LGR5: variants seen among roughly 807,000 people sequenced by gnomAD.
LGR5 encodes leucine-rich repeat-containing G protein-coupled receptor 5.
Under a neutral mutation model 76.7 loss-of-function variants are expected in LGR5, and 54 were observed. The observed-to-expected ratio is 0.70, with a 90% confidence interval of 0.57 to 0.88. The LOEUF is 0.88. LGR5 is among the 40% of genes least tolerant of loss of function. The pLI is 0.00. For missense variants in LGR5, 1,078 were observed against 1,073.3 expected, an observed-to-expected ratio of 1.00 and a Z score of -0.06; for synonymous variants, 406 against 421.9, an observed-to-expected ratio of 0.96 and a Z score of 0.46.
intron 11 of LGR5, chr12:71,567,427 C>G (rs1275703386): frequency 1.3e-5 from 2 of 155,020 alleles, no homozygotes; most frequent in African/African-American, 4.8e-5. Flanking sequence ...TTTTCCTCTG[C>G]CTTTCCCATG....
intron 1 of LGR5, among the ~76,000 whole-genome samples, chr12:71,446,766 G>A (rs1404281413): frequency 2.0e-5 from 3 of 152,104 alleles, no homozygotes; most frequent in African/African-American, 7.2e-5. Context: ...GGGAATTCCA[G>A]AGCAAAATGC....
intron 2 of LGR5, among the ~76,000 whole-genome samples, chr12:71,518,196 A>G (rs1295533865): frequency 6.6e-6 from 1 of 152,214 alleles, no homozygotes; most frequent in Admixed American, 6.5e-5. Context: ...AAGTGAGCAA[A>G]CAGACACTTT....
intron 3 of LGR5, among the ~76,000 whole-genome samples, chr12:71,525,666 T>C (rs1028871917): frequency 6.6e-6 from 1 of 151,812 alleles, no homozygotes; most frequent in Non-Finnish European, 1.5e-5. Flanking sequence ...TAAATTTTAC[T>C]AGAATCAAGT....
chr12:71,578,440 A>T (rs1878952159), intron 14 of LGR5, among the ~76,000 whole-genome samples: 1 of 152,086 alleles, frequency 6.6e-6, no homozygotes, highest in Non-Finnish European at 1.5e-5. Context: ...AAGTTAGGAG[A>T]AGAGGAAGGG....
chr12:71,579,061 A>G (rs1878983384), intron 15 of LGR5, 132 bp downstream of exon 15: 2 of 724,306 alleles, frequency 2.8e-6, no homozygotes, highest in South Asian at 5.3e-5. Context: ...AAGTCTCCTA[A>G]CCCTGGAGCA....
intron 7 of LGR5, among the ~76,000 whole-genome samples, chr12:71,560,531 C>T (rs1162564032): frequency 6.6e-6 from 1 of 152,170 alleles, no homozygotes; most frequent in Non-Finnish European, 1.5e-5. Flanking sequence ...ATGGGTCATG[C>T]CTGTAATCCC....
chr12:71,561,831 G>A lies in LGR5; in HGVS notation c.836G>A (p.Gly279Asp). 1 of 1,602,842 alleles carries A rather than the reference G, an allele frequency of 6.2e-7. No individual in the cohort carries two copies. The highest frequency in any genetic ancestry group is 8.5e-7 in the Non-Finnish European group (1 of 1,171,596). ...TCGATACCTGAGAAAGCATTTGTAG[G>A]CAACCCTTCTCTTATTACAATGTAA... Reference protein sequence around the residue: ...IRSIPEKAFVGNPSLITIHFY... With the variant: ...IRSIPEKAFVDNPSLITIHFY... Residue 279 changes from glycine to aspartate, a missense_variant, in exon 8 of 18, where the codon GGC becomes GAC. By Grantham distance (94) the Gly-to-Asp change is moderately conservative. Transcript: ENST00000266674.
At chr12:71,472,971 C>G (rs1000854944) in intron 1 of LGR5, among the ~76,000 whole-genome samples, 3 of 152,122 alleles carry the variant, frequency 2.0e-5, no homozygotes, top group East Asian at 1.9e-4. Flanking sequence ...CTGGGAGCAA[C>G]CTTTATGGCT....
rs1180124953 is a variant in LGR5, at chr12:71,486,571, T to G, written c.213-18043T>G. On this transcript the variant is annotated intron_variant, in intron 1 of 17. Transcript: ENST00000266674. ...ATTTATTTGTTAATATTCTTTACAT[T>G]TTGGGCAACAATATCTGATTCGTCA... Among the ~76,000 whole-genome samples, 5 of 152,198 alleles carry G rather than the reference T, an allele frequency of 3.3e-5. No homozygotes were observed. In the South Asian group the frequency reaches 1.0e-3, roughly 32 times the overall value.
chr12:71,518,435 G>A lies in LGR5; in HGVS notation c.285-5971G>A, dbSNP rs147147618. Among the ~76,000 whole-genome samples, 609 of 152,336 alleles carry A rather than the reference G, an allele frequency of 4.0e-3. 4 individuals carry two copies. Among genetic ancestry groups the A allele is most frequent in the Middle Eastern group, 0.014 (4 of 294 alleles). On this transcript the variant is annotated intron_variant, in intron 2 of 17. Coordinates refer to ENST00000266674, the MANE Select transcript of LGR5 (RefSeq NM_003667.4). ...AATTAGCGCAACCATTGTGAAGACA[G>A]TGTGGCTATTCCTCAAAGACCTAAA...
chr12:71,509,993 T>G (rs544306409), intron 2 of LGR5, among the ~76,000 whole-genome samples: 1 of 152,322 alleles, frequency 6.6e-6, no homozygotes, highest in African/African-American at 2.4e-5. Flanking sequence ...GCTTGTTACT[T>G]CTACTTCCCC....
intron 1 of LGR5, among the ~76,000 whole-genome samples, chr12:71,444,955 TTTC>T (rs1246712481): frequency 3.3e-5 from 5 of 152,300 alleles, no homozygotes; most frequent in African/African-American, 1.2e-4. Flanking sequence ...TTTTTTTATA[TTTC>T]TTCTATCAAA....
intron 1 of LGR5, among the ~76,000 whole-genome samples, chr12:71,476,870 T>C (rs1049007854): frequency 2.6e-5 from 4 of 152,176 alleles, no homozygotes; most frequent in African/African-American, 9.7e-5. Flanking sequence ...ACGTTATACC[T>C]AAACAAGCAG....
At chr12:71,563,451 T>C (rs1451713724) in intron 8 of LGR5, among the ~76,000 whole-genome samples, 1 of 152,202 alleles carries the variant, frequency 6.6e-6, no homozygotes. Flanking sequence ...AACCATCTTG[T>C]TACTTCTGCT....
intron 11 of LGR5, 193 bp downstream of exon 11, chr12:71,567,105 C>G (rs1878389607): frequency 3.5e-6 from 2 of 574,122 alleles, no homozygotes; most frequent in African/African-American, 1.9e-5. Context: ...TGGTAATGTA[C>G]CCTTTGTTTT....
chr12:71,456,257 A>G (rs1047264763), intron 1 of LGR5, among the ~76,000 whole-genome samples: 1 of 152,202 alleles, frequency 6.6e-6, no homozygotes, highest in East Asian at 1.9e-4. Flanking sequence ...TGACAAGACT[A>G]CATAAAAAGC....
At chr12:71,557,620 A>G (rs1310629931) in intron 6 of LGR5, among the ~76,000 whole-genome samples, 13 of 151,976 alleles carry the variant, frequency 8.6e-5, no homozygotes, top group African/African-American at 3.1e-4. Context: ...TATCCTAGAC[A>G]CTCTCACAGA....
intron 1 of LGR5, among the ~76,000 whole-genome samples, chr12:71,498,050 A>C (rs905662783): frequency 5.3e-5 from 8 of 152,182 alleles, no homozygotes; most frequent in Admixed American, 3.9e-4. Context: ...GGAGAAAAGA[A>C]GGGGGGAGCA....
In LGR5 at chr12:71,452,426, C is replaced by T. The variant is rs765044737; in HGVS notation, c.212+12134C>T. Among the ~76,000 whole-genome samples the T allele has an allele frequency of 4.2e-4, 64 of 152,360 alleles. 1 individual carries two copies. Among genetic ancestry groups the T allele is most frequent in the South Asian group, 4.1e-4 (2 of 4,830 alleles). On this transcript the variant is annotated intron_variant, in intron 1 of 17. Coordinates refer to ENST00000266674, the MANE Select transcript of LGR5 (RefSeq NM_003667.4). ...CACTCTTCTGTTCCCCTAAACTCTACGTAAAACTCAAACTTTGTCCACATA... is the reference window on the plus strand; with the variant it reads ...CACTCTTCTGTTCCCCTAAACTCTATGTAAAACTCAAACTTTGTCCACATA...
Sources: allele counts gnomAD v4.1 joint callset (sites outside exome capture counted in the v4.1 genomes callset), GRCh38; gene constraint gnomAD v4.1.1; transcripts MANE v1.5; gene names NCBI Gene and HGNC (gene_info 2026-07-23, HGNC 2026-07-21).